The following TRIM44 variants were observed in gnomAD, a reference collection of about 807,000 sequenced individuals.
The protein encoded by TRIM44 is tripartite motif containing 44.
In TRIM44, 13 loss-of-function variants were observed where a neutral mutation model predicts 37.4. The ratio of observed to expected loss-of-function variants is 0.35; its 90% confidence interval spans 0.23 to 0.55. TRIM44 has a LOEUF of 0.55. Ranked by LOEUF, TRIM44 falls within the 20% of genes least tolerant of loss-of-function variation. The pLI is 0.89. For synonymous variants in TRIM44, 175 were observed against 157.2 expected, an observed-to-expected ratio of 1.11 and a Z score of -0.85; for missense variants, 426 against 437.2, an observed-to-expected ratio of 0.97 and a Z score of 0.23.
intron 4 of TRIM44, among the ~76,000 whole-genome samples, chr11:35,743,105 CT>C (rs574194285): frequency 3.3e-4 from 50 of 152,164 alleles, no homozygotes; most frequent in African/African-American, 1.2e-3. Context: ...TAGGTCTAGG[CT>C]TCTTCAGATT....
intron 2 of TRIM44, among the ~76,000 whole-genome samples, chr11:35,690,184 A>C (rs1277712459): frequency 2.0e-5 from 3 of 152,190 alleles, no homozygotes; most frequent in African/African-American, 7.2e-5. Flanking sequence ...TTCTTACTGA[A>C]GTGTGAAACC....
chr11:35,806,646 C>A lies in TRIM44; in HGVS notation c.*261C>A. 6.6e-6 allele frequency: 3 copies of A among 454,182 alleles called. No individual in the cohort carries two copies. Among genetic ancestry groups the A allele is most frequent in the Non-Finnish European group, 1.2e-5 (3 of 254,600 alleles). The allele number at this position is 454,182 out of a possible 1,614,324, so 28.1% of individuals were successfully genotyped here. On this transcript the variant is annotated 3_prime_UTR_variant, in exon 5 of 5. Transcript: ENST00000299413. ...CCAGGAGCAATTAAGAAAGGTCCTT[C>A]AGGTAATCCCTCAATGGCTGCTTTG...
chr11:35,702,870 G>A (rs192382369), intron 2 of TRIM44, among the ~76,000 whole-genome samples: 18 of 152,324 alleles, frequency 1.2e-4, no homozygotes, highest in South Asian at 2.1e-4. Context: ...CAGAAGTACC[G>A]GGTTCATCTC....
chr11:35,735,589 T>C, intron 4 of TRIM44, 144 bp downstream of exon 4: 1 of 812,598 alleles, frequency 1.2e-6, no homozygotes, highest in East Asian at 2.6e-5. Context: ...GAAGATCTTA[T>C]TTTGTAAGAC....
rs1853481977 is a variant in TRIM44 at position 35,808,288 on chromosome 11, T to C, written c.*1903T>C. 6.7e-6 allele frequency: 1 copy of C among 150,210 alleles called. No individual in the cohort carries two copies. Among genetic ancestry groups the C allele is most frequent in the Non-Finnish European group, 1.5e-5 (1 of 67,580 alleles). 9.3% of individuals were successfully genotyped at this position (150,210 alleles called of 1,614,324 possible). On this transcript the variant is annotated 3_prime_UTR_variant, in exon 5 of 5. Coordinates refer to ENST00000299413, the MANE Select transcript of TRIM44 (RefSeq NM_017583.6). ...GGACAATTTTGGTGCTTTACCTATC[T>C]CTGCAAAGACTGGAGAATTTGGCAT...
At chr11:35,712,059 G>T (rs780933096) in intron 2 of TRIM44, among the ~76,000 whole-genome samples, 7 of 152,104 alleles carry the variant, frequency 4.6e-5, no homozygotes, top group African/African-American at 7.2e-5. Flanking sequence ...CCACTTTTGG[G>T]ATCCCTTGGT....
chr11:35,686,441 G>C (rs1851583357), intron 2 of TRIM44, among the ~76,000 whole-genome samples: 1 of 150,616 alleles, frequency 6.6e-6, no homozygotes, highest in South Asian at 2.1e-4. Context: ...CAGGCACTTT[G>C]CTAGGACTCT....
chr11:35,729,991 A>G (rs894869547), intron 3 of TRIM44, among the ~76,000 whole-genome samples: 2 of 152,220 alleles, frequency 1.3e-5, no homozygotes, highest in Admixed American at 1.3e-4. Flanking sequence ...ATAAAATGAA[A>G]TGAAAATCTC....
intron 2 of TRIM44, among the ~76,000 whole-genome samples, chr11:35,703,710 T>C (rs1433896945): frequency 1.3e-5 from 2 of 152,094 alleles, no homozygotes; most frequent in Non-Finnish European, 2.9e-5. Flanking sequence ...TCCTGTCTGA[T>C]AGAAGGAAAA....
intron 4 of TRIM44, among the ~76,000 whole-genome samples, chr11:35,777,592 A>G (rs995872568): frequency 9.6e-4 from 146 of 152,246 alleles, no homozygotes; most frequent in Non-Finnish European, 1.5e-3. Context: ...GGCTGGTACC[A>G]TAGGTTGTTC....
chr11:35,706,341 T>C lies in TRIM44; in HGVS notation c.748-19583T>C, dbSNP rs186556626. 5.6e-3 allele frequency among the ~76,000 whole-genome samples: 848 copies of C among 151,740 alleles called. 9 individuals carry two copies. Among genetic ancestry groups the C allele is most frequent in the South Asian group, 0.011 (51 of 4,790 alleles). ...CGAATTCTACCAGAGGTACAAGGAG[T>C]AAATGGTACCGTTCCTTCTGAAACT... is the stretch of plus-strand genomic sequence containing the variant. On this transcript the variant is annotated intron_variant, in intron 2 of 4. Coordinates refer to ENST00000299413, the MANE Select transcript of TRIM44 (RefSeq NM_017583.6).
intron 4 of TRIM44, among the ~76,000 whole-genome samples, chr11:35,741,661 C>T (rs1055504988): frequency 2.6e-5 from 4 of 152,178 alleles, no homozygotes; most frequent in Non-Finnish European, 5.9e-5. Context: ...ACAGTAGTTA[C>T]GATGCTTGGC....
intron 4 of TRIM44, among the ~76,000 whole-genome samples, chr11:35,785,554 C>G (rs187145755): frequency 6.6e-6 from 1 of 152,306 alleles, no homozygotes; most frequent in Admixed American, 6.5e-5. Context: ...GGTCTCTGCA[C>G]CCCTATTCGG....
intron 4 of TRIM44, among the ~76,000 whole-genome samples, chr11:35,803,536 C>G (rs897604070): frequency 1.3e-5 from 2 of 152,062 alleles, no homozygotes; most frequent in Non-Finnish European, 2.9e-5. Flanking sequence ...TCAAGGCCAA[C>G]GTGGTGAAAC....
At chr11:35,798,769 A>G (rs1168247348) in intron 4 of TRIM44, among the ~76,000 whole-genome samples, 1 of 152,242 alleles carries the variant, frequency 6.6e-6, no homozygotes, top group Non-Finnish European at 1.5e-5. Flanking sequence ...TATGACATTC[A>G]TGATTGATAA....
chr11:35,812,491 A>C lies in TRIM44; in HGVS notation c.*6106A>C, dbSNP rs1853539497. The C allele has an allele frequency of 6.6e-6, 1 of 152,162 alleles. No individual in the cohort carries two copies. Among genetic ancestry groups the C allele is most frequent in the South Asian group, 2.1e-4 (1 of 4,822 alleles). 9.4% of individuals were successfully genotyped at this position (152,162 alleles called of 1,614,324 possible). On this transcript the variant is annotated 3_prime_UTR_variant, in exon 5 of 5. Coordinates refer to ENST00000299413, the MANE Select transcript of TRIM44 (RefSeq NM_017583.6). ...CTCTCCTGTTGTTTTTCACATTATC[A>C]TAATAGTAACAGCACCAATACTATC... is the stretch of plus-strand genomic sequence containing the variant.
At chr11:35,762,832 A>C (rs1402472665) in intron 4 of TRIM44, among the ~76,000 whole-genome samples, 3 of 152,150 alleles carry the variant, frequency 2.0e-5, no homozygotes, top group Non-Finnish European at 4.4e-5. Flanking sequence ...ATTTAAACTA[A>C]GGAGTTTAAC....
intron 1 of TRIM44, among the ~76,000 whole-genome samples, chr11:35,666,846 A>G (rs1455861855): frequency 6.6e-6 from 1 of 150,992 alleles, no homozygotes; most frequent in African/African-American, 2.4e-5. Flanking sequence ...TTTGTGATCT[A>G]TCTGCTGAAT....
At position 35,772,986 on chromosome 11, in the gene TRIM44, TGTGGGAGGGACCTG is replaced by T. The variant is rs1264587442; in HGVS notation, c.1008-33364_1008-33351del. ...ATTTTACTCGCATAATCCCATGTGT[TGTGGGAGGGACCTG>T]GTGGGAGATAATTTGAATCATGGAG... On this transcript the variant is annotated intron_variant, in intron 4 of 4. Coordinates refer to ENST00000299413, the MANE Select transcript of TRIM44 (RefSeq NM_017583.6). 2.2e-4 allele frequency among the ~76,000 whole-genome samples: 33 copies of T among 152,286 alleles called. 1 individual carries two copies. The highest frequency in any genetic ancestry group is 7.9e-4 in the African/African-American group (33 of 41,570).
Sources: gnomAD v4.1 joint callset for allele counts (sites outside exome capture counted in the v4.1 genomes callset) on GRCh38, gnomAD v4.1.1 for gene constraint, MANE v1.5 for transcripts, NCBI Gene and HGNC (gene_info 2026-07-23, HGNC 2026-07-21) for gene names.